Variants in CHST2 observed in about 807,000 individuals in gnomAD.
The protein encoded by CHST2 is N-acetylglucosamine 6-O-sulfotransferase 1.
CHST2 carries 23 observed loss-of-function variants against 34.6 expected under a neutral mutation model. The observed-to-expected ratio is 0.67, with a 90% CI of 0.48 to 0.94. The LOEUF (loss-of-function observed/expected upper bound fraction) is 0.94. CHST2 is among the 40% of genes least tolerant of loss of function. CHST2 has a pLI of 0.00. For missense variants in CHST2, 720 were observed against 759.5 expected (o/e 0.95, Z 0.61); for synonymous variants, 392 against 343.1 (o/e 1.14, Z -1.58).
At position 143,121,802 on chromosome 3, in the gene CHST2, A is replaced by T. The variant is rs1050039289; in HGVS notation, c.986A>T (p.His329Leu). 2 of 1,606,104 alleles carry T rather than the reference A, an allele frequency of 1.2e-6. No individual in the cohort carries two copies. The highest frequency in any genetic ancestry group is 1.7e-6 in the Non-Finnish European group (2 of 1,175,936). Residue 329 changes from histidine (H) to leucine (L), a missense_variant, in exon 2 of 2, where the codon CAC becomes CTC. His to Leu is a moderately conservative substitution (Grantham distance 99, BLOSUM62 -3). Coordinates refer to ENST00000309575, the MANE Select transcript of CHST2 (RefSeq NM_004267.5). Reference protein sequence around the residue: ...RDPALDLKVIHLVRDPRAVAS... With the variant: ...RDPALDLKVILLVRDPRAVAS... ...CCGGCCCTGGACCTCAAGGTCATCCACTTGGTGCGTGATCCCCGCGCGGTG... is the reference window on the plus strand; with the variant it reads ...CCGGCCCTGGACCTCAAGGTCATCCTCTTGGTGCGTGATCCCCGCGCGGTG...
In CHST2 at chr3:143,122,358, T is replaced by C; in HGVS notation, c.1542T>C (p.Pro514=). 1 of 1,612,996 alleles carries C rather than the reference T, an allele frequency of 6.2e-7. No individual in the cohort carries two copies. The highest frequency in any genetic ancestry group is 8.5e-7 in the Non-Finnish European group (1 of 1,179,586). Residue 514 remains proline (P), a synonymous_variant, in exon 2 of 2, where the codon CCT becomes CCC. Transcript: ENST00000309575. The part of the protein sequence containing the change: ...AVLGYERVNS[P]EEVKDLSKTL... ...TGGGCTATGAGCGGGTCAACAGCCCTGAGGAGGTCAAAGACCTCAGCAAGA... is the reference window on the plus strand; with the variant it reads ...TGGGCTATGAGCGGGTCAACAGCCCCGAGGAGGTCAAAGACCTCAGCAAGA...
rs745494221 is a variant in CHST2 at position 143,121,937 on chromosome 3, A to C, written c.1121A>C (p.His374Pro). 8.2e-6 allele frequency: 13 copies of C among 1,579,968 alleles called. No homozygotes were observed. In the East Asian group the frequency reaches 2.7e-4, roughly 33 times the overall value. Reference protein sequence around the residue: ...HRMPFLEAAGHKLGAKKEGVG... With the variant: ...HRMPFLEAAGPKLGAKKEGVG... ...ATGCCCTTCTTGGAGGCCGCGGGCC[A>C]CAAGCTTGGCGCCAAGAAGGAGGGC... is the stretch of plus-strand genomic sequence containing the variant. The change falls in exon 2 of 2, where the codon CAC (histidine) becomes CCC (proline). Residue 374 changes from histidine (H) to proline (P), a missense_variant. This residue lies in a region of CHST2 where 224 missense variants were observed against 227.8 expected (regional missense o/e 0.98). Coordinates refer to ENST00000309575, the MANE Select transcript of CHST2 (RefSeq NM_004267.5).
chr3:143,121,011 G>C lies in CHST2; in HGVS notation c.195G>C (p.Leu65=), dbSNP rs1245517392. The change falls in exon 2 of 2, where the codon CTG becomes CTC. Residue 65 remains leucine, a synonymous_variant. Transcript: ENST00000309575. Reference sequence around the variant, plus strand: ...TGTTGTGCGCGGGCTATGCACTGCTGCTGGTGCTCACTATGCTCAACCTCC... The same window carrying C: ...TGTTGTGCGCGGGCTATGCACTGCTCCTGGTGCTCACTATGCTCAACCTCC... The part of the protein sequence containing the change: ...ALVLCAGYAL[L]LVLTMLNLLD... The C allele has an allele frequency of 3.2e-6, 5 of 1,541,052 alleles. No individual in the cohort carries two copies. The East Asian group carries it at 9.9e-5, about 30-fold the overall frequency.
chr3:143,122,350 A>G lies in CHST2; in HGVS notation c.1534A>G (p.Asn512Asp), dbSNP rs79193049. 9.5e-4 allele frequency: 1,540 copies of G among 1,613,896 alleles called. 16 individuals carry two copies. The African/African-American group carries it at 0.018, about 19-fold the overall frequency. Residue 512 changes from asparagine to aspartate, a missense_variant, in exon 2 of 2, where the codon AAC becomes GAC. Asn to Asp is a conservative substitution (Grantham distance 23, BLOSUM62 1). Transcript: ENST00000309575. ...PMAVLGYERVNSPEEVKDLSK... is the reference protein window; with the variant it reads ...PMAVLGYERVDSPEEVKDLSK... The stretch of plus-strand genomic sequence containing the variant: ...GGCCGTCCTGGGCTATGAGCGGGTC[A>G]ACAGCCCTGAGGAGGTCAAAGACCT...
chr3:143,123,589 C>T lies in CHST2; in HGVS notation c.*1180C>T, dbSNP rs1936260424. The T allele has an allele frequency of 6.6e-6, 1 of 152,060 alleles. No individual in the cohort carries two copies. Among genetic ancestry groups the T allele is most frequent in the African/African-American group, 2.4e-5 (1 of 41,410 alleles). The allele number at this position is 152,060 out of a possible 1,614,324, so 9.4% of individuals were successfully genotyped here. Reference sequence around the variant, plus strand: ...TCATCTGAGAACCGTAAGGGTTTTCCCTTTTCTTACTTGCTTCCCATTTAA... The same window carrying T: ...TCATCTGAGAACCGTAAGGGTTTTCTCTTTTCTTACTTGCTTCCCATTTAA... On this transcript the variant is annotated 3_prime_UTR_variant, in exon 2 of 2. Transcript: ENST00000309575.
rs781759863 is a variant in CHST2, at chr3:143,121,987, G to T, written c.1171G>T (p.Ala391Ser). The change falls in exon 2 of 2, where the codon GCT (alanine) becomes TCT (serine). Residue 391 changes from alanine to serine, a missense_variant. Ala to Ser is a moderately conservative substitution (Grantham distance 99). Transcript: ENST00000309575. ...CGTGGGCGGCCCCGCAGACTACCAC[G>T]CTCTGGGCGCTATGGAGGTCATCTG... ...EGVGGPADYH[A>S]LGAMEVICNS... 14 of 1,603,398 alleles carry T rather than the reference G, an allele frequency of 8.7e-6. No homozygotes were observed. The highest frequency in any genetic ancestry group is 2.7e-5 in the African/African-American group (2 of 74,310).
Position 143,121,618 on chromosome 3 carries a change from C to A in CHST2, c.802C>A (p.Arg268Ser), listed in dbSNP as rs1185953757. The change falls in exon 2 of 2, where the codon CGC becomes AGC. Residue 268 changes from arginine to serine, a missense_variant. By Grantham distance (110) the Arg-to-Ser change is moderately radical. This residue lies in a region of CHST2 where 166 missense variants were observed against 211.4 expected (regional missense o/e 0.79). Coordinates refer to ENST00000309575, the MANE Select transcript of CHST2 (RefSeq NM_004267.5). ...CTCGTCACCACTCTGCCCCGCCTAC[C>A]GCAAGGAGGTCGTGGGGTTGGTGGA... Reference protein sequence around the residue: ...VCSSPLCPAYRKEVVGLVDDR... With the variant: ...VCSSPLCPAYSKEVVGLVDDR... 3 of 1,588,910 alleles carry A rather than the reference C, an allele frequency of 1.9e-6. No homozygotes were observed. Among genetic ancestry groups the A allele is most frequent in the Non-Finnish European group, 2.6e-6 (3 of 1,164,476 alleles).
At position 143,123,597 on chromosome 3, in the gene CHST2, T is replaced by TA. The variant is rs1336765491; in HGVS notation, c.*1189dup. The TA allele has an allele frequency of 1.3e-5, 2 of 152,254 alleles. No individual in the cohort carries two copies. Among genetic ancestry groups the TA allele is most frequent in the Non-Finnish European group, 2.9e-5 (2 of 68,048 alleles). The allele number at this position is 152,254 out of a possible 1,614,324, so 9.4% of individuals were successfully genotyped here. ...GAACCGTAAGGGTTTTCCCTTTTCTTACTTGCTTCCCATTTAAATCAGTGC... is the reference window on the plus strand; with the variant it reads ...GAACCGTAAGGGTTTTCCCTTTTCTTAACTTGCTTCCCATTTAAATCAGTGC... On this transcript the variant is annotated 3_prime_UTR_variant, in exon 2 of 2. Transcript: ENST00000309575.
Position 143,122,530 on chromosome 3 carries a change from T to C in CHST2, c.*121T>C. ...GCCCACATATTCTATTATAGATATA[T>C]AAATAATCACACACACACTTGCTGT... On this transcript the variant is annotated 3_prime_UTR_variant, in exon 2 of 2. Transcript: ENST00000309575. 1.0e-6 allele frequency: 1 copy of C among 1,000,692 alleles called. No homozygotes were observed. Among genetic ancestry groups the C allele is most frequent in the Non-Finnish European group, 1.4e-6 (1 of 709,510 alleles). The allele number at this position is 1,000,692 out of a possible 1,614,324, so 62.0% of individuals were successfully genotyped here.
In CHST2 at chr3:143,121,532, G is replaced by T. The variant is rs1232365358; in HGVS notation, c.716G>T (p.Ser239Ile). ...TTCCAGTTGTATAGCCCCGCGGGCA[G>T]CGGGGGGCGCAACCTCACCACGCTG... ...SVFQLYSPAG[S>I]GGRNLTTLGI... Residue 239 changes from serine to isoleucine, a missense_variant, in exon 2 of 2, where the codon AGC becomes ATC. Coordinates refer to ENST00000309575, the MANE Select transcript of CHST2 (RefSeq NM_004267.5). The T allele has an allele frequency of 6.2e-7, 1 of 1,610,442 alleles. No homozygotes were observed. Among genetic ancestry groups the T allele is most frequent in the South Asian group, 1.1e-5 (1 of 90,806 alleles).
chr3:143,122,460 T>G lies in CHST2; in HGVS notation c.*51T>G. 1.4e-6 allele frequency: 2 copies of G among 1,464,842 alleles called. No individual in the cohort carries two copies. The highest frequency in any genetic ancestry group is 1.8e-6 in the Non-Finnish European group (2 of 1,105,238). The allele number at this position is 1,464,842 out of a possible 1,614,324, so 90.7% of individuals were successfully genotyped here. A position where few individuals can be genotyped will look rare whatever the true frequency, so the allele number is the denominator to read the frequency against. On this transcript the variant is annotated 3_prime_UTR_variant, in exon 2 of 2. Transcript: ENST00000309575. ...CCTGTGGTGATACCTATAAAGAGGA[T>G]CGTAGTGTGTTTAAATAAACACAGT...
chr3:143,120,860 C>T lies in CHST2; in HGVS notation c.44C>T (p.Pro15Leu), dbSNP rs1936199601. The change falls in exon 2 of 2, where the codon CCT becomes CTT. Residue 15 changes from proline (P) to leucine (L), a missense_variant. Physicochemically the swap from Pro to Leu is moderately conservative, Grantham distance 98 (BLOSUM62 -3). This residue lies in a region of CHST2 where 287 missense variants were observed against 242.7 expected (regional missense o/e 1.18). Coordinates refer to ENST00000309575, the MANE Select transcript of CHST2 (RefSeq NM_004267.5). The surrounding 1 kb of genome is among the most constrained non-coding windows in gnomAD (Gnocchi z 4.1). ...CGAGCTCTGCCCCCGGGCGCGCTCC[C>T]TCGGCTGCTCCAGGCTGCGCCTGCA... The part of the protein sequence containing the change: ...PQRALPPGAL[P>L]RLLQAAPAAA... 5 of 1,371,748 alleles carry T rather than the reference C, an allele frequency of 3.6e-6. No individual in the cohort carries two copies. Among genetic ancestry groups the T allele is most frequent in the South Asian group, 1.8e-5 (1 of 56,096 alleles). The allele number at this position is 1,371,748 out of a possible 1,614,324, so 85.0% of individuals were successfully genotyped here.
In CHST2 at chr3:143,120,697, G is replaced by T; in HGVS notation, c.-120G>T. The T allele has an allele frequency of 1.0e-6, 1 of 994,444 alleles. No homozygotes were observed. The highest frequency in any genetic ancestry group is 5.1e-5 in the South Asian group (1 of 19,706). The allele number at this position is 994,444 out of a possible 1,614,324, so 61.6% of individuals were successfully genotyped here. A position where few individuals can be genotyped will look rare whatever the true frequency, so the allele number is the denominator to read the frequency against. On this transcript the variant is annotated 5_prime_UTR_variant, in exon 2 of 2. Coordinates refer to ENST00000309575, the MANE Select transcript of CHST2 (RefSeq NM_004267.5). The surrounding 1 kb of genome is among the most constrained non-coding windows in gnomAD (Gnocchi z 4.1). ...AGCCAGCCTTGGGCGCTGGGGACCAGCCGCCGCGCCCGCCTCGGAGTCGCG... is the reference window on the plus strand; with the variant it reads ...AGCCAGCCTTGGGCGCTGGGGACCATCCGCCGCGCCCGCCTCGGAGTCGCG...
In CHST2 at chr3:143,121,874, T is replaced by G; in HGVS notation, c.1058T>G (p.Leu353Arg). Residue 353 changes from leucine (L) to arginine (R), a missense_variant, in exon 2 of 2, where the codon CTA (leucine) becomes CGA (arginine). Leu to Arg is a moderately radical substitution (Grantham distance 102). Around this residue, in one of 4 missense-constraint regions of CHST2, gnomAD observed 166 missense variants for 211.4 expected, o/e 0.79. Coordinates refer to ENST00000309575, the MANE Select transcript of CHST2 (RefSeq NM_004267.5). ...RSRHGLIRESLQVVRSRDPRA... is the reference protein window; with the variant it reads ...RSRHGLIRESRQVVRSRDPRA... ...CGCCACGGCCTCATCCGTGAGAGCC[T>G]ACAGGTGGTGCGCAGCCGAGACCCG... 1 of 1,581,946 alleles carries G rather than the reference T, an allele frequency of 6.3e-7. No homozygotes were observed. Among genetic ancestry groups the G allele is most frequent in the Non-Finnish European group, 8.6e-7 (1 of 1,160,572 alleles).
Position 143,120,634 on chromosome 3 carries a change from C to T in CHST2, c.-173-10C>T, listed in dbSNP as rs1248946856. ...TGGGGCGCATCCGCTCACTCCGCTTCCCCTCGCAGGTCCTACCCGGAGCCG... is the reference window on the plus strand; with the variant it reads ...TGGGGCGCATCCGCTCACTCCGCTTTCCCTCGCAGGTCCTACCCGGAGCCG... On this transcript the variant is annotated splice_polypyrimidine_tract_variant and intron_variant, in intron 1 of 1. Transcript: ENST00000309575. This position sits in a 1 kb window ranked among gnomAD's most constrained non-coding sequence, Gnocchi z 4.1. 7.8e-6 allele frequency: 3 copies of T among 385,500 alleles called. No homozygotes were observed. Among genetic ancestry groups the T allele is most frequent in the East Asian group, 5.2e-5 (1 of 19,378 alleles). 23.9% of individuals were successfully genotyped at this position (385,500 alleles called of 1,614,324 possible).
chr3:143,120,573 G>T lies in CHST2; in HGVS notation c.-174+32G>T. The T allele has an allele frequency of 3.7e-6, 1 of 270,156 alleles. No homozygotes were observed. The highest frequency in any genetic ancestry group is 6.8e-6 in the Non-Finnish European group (1 of 147,512). 16.7% of individuals were successfully genotyped at this position (270,156 alleles called of 1,614,324 possible). On this transcript the variant is annotated intron_variant, in intron 1 of 1. Transcript: ENST00000309575. The surrounding 1 kb of genome is among the most constrained non-coding windows in gnomAD (Gnocchi z 4.1). ...GGAGGAACCGGGCAGAACCGAGGGT[G>T]GGCGTTACTTAGGAGGAGGAGGCTG...
Position 143,122,154 on chromosome 3 carries a change from G to C in CHST2, c.1338G>C (p.Leu446Phe), listed in dbSNP as rs1936234969. ...GAGTGTACGATTTTGTGGGACTGTT[G>C]GTGAGCCCCGAAATGGAGCAGTTTG... ...LRRVYDFVGL[L>F]VSPEMEQFAL... The change falls in exon 2 of 2, where the codon TTG (leucine) becomes TTC (phenylalanine). Residue 446 changes from leucine to phenylalanine, a missense_variant. Physicochemically the swap from Leu to Phe is conservative, Grantham distance 22. This residue lies in a region of CHST2 where 224 missense variants were observed against 227.8 expected (regional missense o/e 0.98). Transcript: ENST00000309575. 6.2e-7 allele frequency: 1 copy of C among 1,614,090 alleles called. No individual in the cohort carries two copies. The highest frequency in any genetic ancestry group is 1.3e-5 in the African/African-American group (1 of 74,926).
rs1313076037 is a variant in CHST2, at chr3:143,121,529, G to A, written c.713G>A (p.Gly238Asp). Residue 238 changes from glycine (G) to aspartate (D), a missense_variant, in exon 2 of 2, where the codon GGC becomes GAC. By Grantham distance (94) the Gly-to-Asp change is moderately conservative. Transcript: ENST00000309575. ...LSVFQLYSPA[G>D]SGGRNLTTLG... ...GTCTTCCAGTTGTATAGCCCCGCGG[G>A]CAGCGGGGGGCGCAACCTCACCACG... is the stretch of plus-strand genomic sequence containing the variant. 4 of 1,610,116 alleles carry A rather than the reference G, an allele frequency of 2.5e-6. No individual in the cohort carries two copies. The highest frequency in any genetic ancestry group is 1.7e-6 in the Non-Finnish European group (2 of 1,178,066).
rs748942779 is a variant in CHST2, at chr3:143,121,001, A to C, written c.185A>C (p.Tyr62Ser). 4 of 1,544,070 alleles carry C rather than the reference A, an allele frequency of 2.6e-6. No homozygotes were observed. Among genetic ancestry groups the C allele is most frequent in the Non-Finnish European group, 3.5e-6 (4 of 1,146,058 alleles). Residue 62 changes from tyrosine (Y) to serine (S), a missense_variant, in exon 2 of 2, where the codon TAT (tyrosine) becomes TCT (serine). Transcript: ENST00000309575. The part of the protein sequence containing the change: ...RRKALVLCAG[Y>S]ALLLVLTMLN... ...AAGGCGCTGGTGTTGTGCGCGGGCT[A>C]TGCACTGCTGCTGGTGCTCACTATG...
Sources: allele counts gnomAD v4.1 joint callset, GRCh38; gene constraint gnomAD v4.1.1; regional missense constraint gnomAD v4.1.1; non-coding constraint Gnocchi (gnomAD v3.1); transcripts MANE v1.5; gene names NCBI Gene and HGNC (gene_info 2026-07-23, HGNC 2026-07-21).